The following ZNRF3 variants were observed in gnomAD, a reference collection of about 807,000 sequenced individuals.
ZNRF3 encodes the protein E3 ubiquitin-protein ligase ZNRF3.
In ZNRF3, 23 loss-of-function variants were observed where a neutral mutation model predicts 72.5. That is an observed-to-expected ratio of 0.32 (90% CI 0.23 to 0.45). The LOEUF is 0.45. Among genes scored for constraint, ZNRF3 ranks in the 20% least tolerant of loss-of-function variants. The pLI, the probability that ZNRF3 is intolerant of heterozygous loss-of-function variation, is 1.00. For missense variants in ZNRF3, 1,169 were observed against 1,272.1 expected (o/e 0.92, Z 1.23); for synonymous variants, 610 against 545.3 (o/e 1.12, Z -1.65).
chr22:28,980,532 C>T (rs1001739252), intron 1 of ZNRF3, among the ~76,000 whole-genome samples: 46 of 152,116 alleles, frequency 3.0e-4, no homozygotes, highest in African/African-American at 1.1e-3. Context: ...AGGGTAAGAG[C>T]CACAGTTTCA....
In ZNRF3 at chr22:29,030,685, C is replaced by T. The variant is rs1477204266; in HGVS notation, c.427-11810C>T. Reference sequence around the variant, plus strand: ...CCGGATGGCAGCCCGCCCCGAAAGTCCCGGCCCGCTGGATTGGGGGTTCGG... The same window carrying T: ...CCGGATGGCAGCCCGCCCCGAAAGTTCCGGCCCGCTGGATTGGGGGTTCGG... On this transcript the variant is annotated intron_variant, in intron 2 of 8. Transcript: ENST00000544604. This position sits in a 1 kb window ranked among gnomAD's most constrained non-coding sequence, Gnocchi z 4.2. Among the ~76,000 whole-genome samples, 2 of 151,614 alleles carry T rather than the reference C, an allele frequency of 1.3e-5. No individual in the cohort carries two copies. The highest frequency in any genetic ancestry group is 1.3e-4 in the Admixed American group (2 of 15,242).
At chr22:28,948,229 A>G (rs183640139) in intron 1 of ZNRF3, among the ~76,000 whole-genome samples, 52 of 152,206 alleles carry the variant, frequency 3.4e-4, no homozygotes, top group Non-Finnish European at 6.3e-4. Context: ...CAGTGGCACA[A>G]TCATAGCTCC....
At chr22:28,937,353 G>A (rs1282746717) in intron 1 of ZNRF3, among the ~76,000 whole-genome samples, 1 of 151,276 alleles carries the variant, frequency 6.6e-6, no homozygotes, top group Admixed American at 6.6e-5. Flanking sequence ...GCTGGGGACT[G>A]GACAGAACAG....
intron 2 of ZNRF3, among the ~76,000 whole-genome samples, chr22:29,016,067 A>G (rs940943772): frequency 1.3e-5 from 2 of 151,066 alleles, no homozygotes; most frequent in African/African-American, 4.9e-5. Flanking sequence ...TGAAAGTTGT[A>G]TCTTATACTG....
At chr22:28,936,192 C>T (rs192188165) in intron 1 of ZNRF3, among the ~76,000 whole-genome samples, 40 of 152,194 alleles carry the variant, frequency 2.6e-4, no homozygotes, top group Admixed American at 2.5e-3. Flanking sequence ...GCCATAGGTC[C>T]CTGATCAGGA....
At chr22:28,888,889 G>A (rs1203793071) in intron 1 of ZNRF3, among the ~76,000 whole-genome samples, 2 of 152,100 alleles carry the variant, frequency 1.3e-5, no homozygotes, top group South Asian at 2.1e-4. Context: ...AGGTCGAGGC[G>A]GGTGGATCAC....
chr22:28,903,049 G>A (rs1196329618), intron 1 of ZNRF3, among the ~76,000 whole-genome samples: 1 of 152,112 alleles, frequency 6.6e-6, no homozygotes, highest in Admixed American at 6.6e-5. Flanking sequence ...TAGTGTGGGG[G>A]TCTGTGGGCT....
At chr22:29,044,655 C>T in intron 4 of ZNRF3, 125 bp from the exon 5 acceptor site, 1 of 699,132 alleles carries the variant, frequency 1.4e-6, no homozygotes, top group Non-Finnish European at 2.6e-6. Context: ...CAGGAGTTTC[C>T]TGCAAATTGA....
chr22:29,018,120 A>G (rs1056219140), intron 2 of ZNRF3: 6 of 514,818 alleles, frequency 1.2e-5, no homozygotes, highest in African/African-American at 1.2e-4. Flanking sequence ...CTGGATCCAA[A>G]GGAGAGTCTT....
intron 1 of ZNRF3, among the ~76,000 whole-genome samples, chr22:28,977,559 T>C (rs997862758): frequency 2.6e-5 from 4 of 152,196 alleles, no homozygotes; most frequent in African/African-American, 9.6e-5. Flanking sequence ...TGTGAGACTC[T>C]GTACCACAGC....
At chr22:29,039,358 A>T (rs1271008110) in intron 2 of ZNRF3, among the ~76,000 whole-genome samples, 1 of 152,188 alleles carries the variant, frequency 6.6e-6, no homozygotes, top group Non-Finnish European at 1.5e-5. Flanking sequence ...GTGCACCTGC[A>T]TCAAAGCGCA....
chr22:29,055,447 C>T lies in ZNRF3; in HGVS notation c.*1825C>T, dbSNP rs535414980. On this transcript the variant is annotated 3_prime_UTR_variant, in exon 9 of 9. Transcript: ENST00000544604. ...CTCTTATCAGAATGTTTTTCTTAAC[C>T]TCAGCGTATGATGAGGAAATTTACT... is the stretch of plus-strand genomic sequence containing the variant. 20 of 152,332 alleles carry T rather than the reference C, an allele frequency of 1.3e-4. No individual in the cohort carries two copies. The highest frequency in any genetic ancestry group is 4.6e-4 in the African/African-American group (19 of 41,568). 9.4% of individuals were successfully genotyped at this position (152,332 alleles called of 1,614,324 possible).
At position 29,048,364 on chromosome 22, in the gene ZNRF3, T is replaced by C; in HGVS notation, c.913-25T>C. 6.2e-7 allele frequency: 1 copy of C among 1,605,506 alleles called. No homozygotes were observed. Among genetic ancestry groups the C allele is most frequent in the East Asian group, 2.2e-5 (1 of 44,832 alleles). ...CACACCTGCGAGGCTGAAGGCAGAC[T>C]TGTGTCCCCTCTCTCCCTGCCCAGG... On this transcript the variant is annotated intron_variant, in intron 6 of 8. Transcript: ENST00000544604. This position sits in a 1 kb window ranked among gnomAD's most constrained non-coding sequence, Gnocchi z 4.9.
chr22:28,918,551 TGTGTGTG>T, intron 1 of ZNRF3, among the ~76,000 whole-genome samples: 1 of 106,298 alleles, frequency 9.4e-6, no homozygotes, highest in Non-Finnish European at 2.1e-5. Context: ...TGTGTGTGTG[TGTGTGTG>T]TGTGTGTGTG....
intron 1 of ZNRF3, among the ~76,000 whole-genome samples, chr22:28,907,916 T>C (rs567576392): frequency 9.2e-5 from 14 of 152,388 alleles, no homozygotes; most frequent in Non-Finnish European, 1.6e-4. Context: ...GTCATTTCTA[T>C]GTCTTTCCTT....
At chr22:28,998,070 C>T (rs1158984485) in intron 2 of ZNRF3, among the ~76,000 whole-genome samples, 9 of 150,360 alleles carry the variant, frequency 6.0e-5, no homozygotes, top group East Asian at 3.9e-4. Flanking sequence ...GAGGCTGAGG[C>T]GAGCGGATCA....
chr22:28,963,454 C>T (rs978694895), intron 1 of ZNRF3, among the ~76,000 whole-genome samples: 11 of 151,952 alleles, frequency 7.2e-5, no homozygotes, highest in African/African-American at 2.2e-4. Context: ...TGCTGTTAAT[C>T]GCAGGAGAGG....
chr22:28,947,153 G>A (rs1031982032), intron 1 of ZNRF3, among the ~76,000 whole-genome samples: 4 of 152,168 alleles, frequency 2.6e-5, no homozygotes, highest in Non-Finnish European at 5.9e-5. Context: ...GCACATATGG[G>A]AATGCACAGG....
chr22:29,026,767 C>T (rs2036644295), intron 2 of ZNRF3: 1 of 152,228 alleles, frequency 6.6e-6, no homozygotes, highest in South Asian at 2.1e-4. Flanking sequence ...TTCCAGGTGC[C>T]ATGCCAAGAC....
Sources: allele counts gnomAD v4.1 joint callset (sites outside exome capture counted in the v4.1 genomes callset), GRCh38; gene constraint gnomAD v4.1.1; non-coding constraint Gnocchi (gnomAD v3.1); transcripts MANE v1.5; gene names NCBI Gene and HGNC (gene_info 2026-07-23, HGNC 2026-07-21).